PCNX3: variants seen among roughly 807,000 people sequenced by gnomAD.
PCNX3 encodes pecanex-like protein 3.
A neutral mutation model predicts 207.2 loss-of-function variants in PCNX3; 58 were observed. That is an observed-to-expected ratio of 0.28 (90% confidence interval 0.23 to 0.35). PCNX3 has a LOEUF of 0.35. Among genes scored for constraint, PCNX3 ranks in the 10% least tolerant of loss-of-function variants. The pLI is 1.00. For synonymous variants in PCNX3, 1,337 were observed against 1,183.5 expected, an observed-to-expected ratio of 1.13 and a Z score of -2.66; for missense variants, 2,410 against 2,774.4, an observed-to-expected ratio of 0.87 and a Z score of 2.95.
Position 65,616,304 on chromosome 11 carries a change from G to C in PCNX3, c.-8G>C, listed in dbSNP as rs1854723455. ...GGGAGGGGGGGCGCGGGCAGCAGCG[G>C]CGGGGCCATGGGGTCGCAGGTGTTG... On this transcript the variant is annotated 5_prime_UTR_variant, in exon 1 of 35. Coordinates refer to ENST00000355703, the MANE Select transcript of PCNX3 (RefSeq NM_032223.4). 3.2e-6 allele frequency: 5 copies of C among 1,568,850 alleles called. No individual in the cohort carries two copies. Among genetic ancestry groups the C allele is most frequent in the Non-Finnish European group, 3.4e-6 (4 of 1,163,840 alleles).
chr11:65,624,974 G>A lies in PCNX3; in HGVS notation c.2877G>A (p.Leu959=). The part of the protein sequence containing the change: ...TAVFSLSRSL[L]AAALLYGFCL... ...TCTTCAGCCTCTCCCGCAGCCTGCT[G>A]GCTGCTGCCCTGCTCTACGGTTTCT... The change falls in exon 16 of 35, where the codon CTG becomes CTA. Residue 959 remains leucine, a synonymous_variant. Coordinates refer to ENST00000355703, the MANE Select transcript of PCNX3 (RefSeq NM_032223.4). 1 of 1,612,744 alleles carries A rather than the reference G, an allele frequency of 6.2e-7. No individual in the cohort carries two copies. The highest frequency in any genetic ancestry group is 8.5e-7 in the Non-Finnish European group (1 of 1,179,616).
intron 20 of PCNX3, 79 bp from the exon 21 acceptor site, chr11:65,626,825 C>T (rs1176724347): frequency 6.5e-7 from 1 of 1,544,454 alleles, no homozygotes; most frequent in Non-Finnish European, 8.7e-7. Flanking sequence ...ACCGCACAGC[C>T]TGCCCTCCTA....
rs1180955238 is a variant in PCNX3, at chr11:65,624,861, C to T, written c.2828-64C>T. On this transcript the variant is annotated intron_variant, in intron 15 of 34. Coordinates refer to ENST00000355703, the MANE Select transcript of PCNX3 (RefSeq NM_032223.4). ...AGCCTCTGGGAGTTGAGGGGAAGCG[C>T]GGCTAGGGTTGAGGTGGGGTACCTG... is the stretch of plus-strand genomic sequence containing the variant. 39 of 1,481,544 alleles carry T rather than the reference C, an allele frequency of 2.6e-5. 1 individual carries two copies. Among genetic ancestry groups the T allele is most frequent in the Middle Eastern group, 1.7e-4 (1 of 5,830 alleles). 91.8% of individuals were successfully genotyped at this position (1,481,544 alleles called of 1,614,324 possible).
At chr11:65,626,182 G>A in intron 20 of PCNX3, 128 bp downstream of exon 20, 1 of 1,277,826 alleles carries the variant, frequency 7.8e-7, no homozygotes, top group Non-Finnish European at 1.1e-6. Context: ...TACCCTTTCT[G>A]CTCCCTCCCT....
chr11:65,631,309 CTCAGCT>C (rs2135470521), intron 27 of PCNX3, among the ~76,000 whole-genome samples: 1 of 152,278 alleles, frequency 6.6e-6, no homozygotes, highest in East Asian at 1.9e-4. Context: ...CCCTGTGTCC[CTCAGCT>C]TACCCCTTGA....
At chr11:65,636,091 C>T (rs1248581250) in intron 32 of PCNX3, 83 bp from the exon 33 acceptor site, 4 of 1,525,768 alleles carry the variant, frequency 2.6e-6, no homozygotes, top group African/African-American at 2.8e-5. Context: ...GATGACTTGT[C>T]CTGGGGCTGA....
Position 65,619,949 on chromosome 11 carries a change from C to T in PCNX3, c.2008+17C>T, listed in dbSNP as rs376267749. The T allele has an allele frequency of 1.8e-5, 28 of 1,585,684 alleles. No individual in the cohort carries two copies. Among genetic ancestry groups the T allele is most frequent in the Non-Finnish European group, 2.4e-5 (28 of 1,162,316 alleles). On this transcript the variant is annotated intron_variant, in intron 8 of 34. Coordinates refer to ENST00000355703, the MANE Select transcript of PCNX3 (RefSeq NM_032223.4). ...ATGAGAGCGGTGAGCCTTTCCCAAG[C>T]CCGGTGGCCCAGTGCCTCCCCGCCT...
In PCNX3 at chr11:65,615,877, G is replaced by C. The variant is rs900844246; in HGVS notation, c.-435G>C. ...GGCGAGCGCGGAGCCCCAAGCAAGT[G>C]ACCTGCGACCCCGAAAGTGGACCCC... On this transcript the variant is annotated 5_prime_UTR_variant, in exon 1 of 35. Transcript: ENST00000355703. The C allele has an allele frequency of 3.3e-5, 5 of 153,002 alleles. No homozygotes were observed. Among genetic ancestry groups the C allele is most frequent in the Admixed American group, 2.6e-4 (4 of 15,306 alleles). 9.5% of individuals were successfully genotyped at this position (153,002 alleles called of 1,614,324 possible).
At chr11:65,623,241 C>T (rs901526630) in intron 11 of PCNX3, among the ~76,000 whole-genome samples, 2 of 152,232 alleles carry the variant, frequency 1.3e-5, no homozygotes, top group African/African-American at 4.8e-5. Flanking sequence ...AGTAATGGCA[C>T]CCTGAGCTCT....
At chr11:65,627,192 C>G in intron 21 of PCNX3, 144 bp downstream of exon 21, 1 of 1,283,614 alleles carries the variant, frequency 7.8e-7, no homozygotes, top group African/African-American at 1.5e-5. Flanking sequence ...CACGCCATCC[C>G]AGGAAGTGGT....
Position 65,618,788 on chromosome 11 carries a change from G to A in PCNX3, c.1426G>A (p.Glu476Lys). Residue 476 changes from glutamate (E) to lysine (K), a missense_variant, in exon 6 of 35, where the codon GAG becomes AAG. Glu to Lys is a moderately conservative substitution (Grantham distance 56). This residue lies in a region of PCNX3 where 1,104 missense variants were observed against 970.3 expected (regional missense o/e 1.14). Transcript: ENST00000355703. ...GCGGAGGGCCCCCCATGGGGCTGAG[G>A]AGGGAACTGCTGTGCCCCCCAAGCG... ...RKRRAPHGAE[E>K]GTAVPPKRPY... 1 of 1,611,562 alleles carries A rather than the reference G, an allele frequency of 6.2e-7. No individual in the cohort carries two copies. The highest frequency in any genetic ancestry group is 8.5e-7 in the Non-Finnish European group (1 of 1,179,402).
rs1372867849 is a variant in PCNX3 at position 65,619,876 on chromosome 11, C to T, written c.1952C>T (p.Ala651Val). 1 of 1,611,698 alleles carries T rather than the reference C, an allele frequency of 6.2e-7. No individual in the cohort carries two copies. Among genetic ancestry groups the T allele is most frequent in the Admixed American group, 1.7e-5 (1 of 59,978 alleles). The change falls in exon 8 of 35, where the codon GCC becomes GTC. Residue 651 changes from alanine (A) to valine (V), a missense_variant. Transcript: ENST00000355703. ...LTRAGANVHE[A>V]CTFDDTSEGA... The stretch of plus-strand genomic sequence containing the variant: ...CGGGCCGGTGCCAATGTGCATGAGG[C>T]CTGCACCTTTGATGACACTTCTGAG...
At chr11:65,622,147 G>A in intron 10 of PCNX3, 98 bp from the exon 11 acceptor site, 2 of 1,423,170 alleles carry the variant, frequency 1.4e-6, no homozygotes, top group Non-Finnish European at 9.4e-7. Flanking sequence ...CTGAAGGGGG[G>A]TAACAGTAGA....
chr11:65,628,257 C>T (rs1476915593), intron 22 of PCNX3, among the ~76,000 whole-genome samples: 4 of 152,350 alleles, frequency 2.6e-5, no homozygotes, highest in East Asian at 1.9e-4. Flanking sequence ...TCACCAGTGA[C>T]CTAGTGGCGT....
intron 20 of PCNX3, 190 bp downstream of exon 20, chr11:65,626,244 G>T (rs1173533282): frequency 1.3e-6 from 1 of 777,494 alleles, no homozygotes; most frequent in Non-Finnish European, 2.2e-6. Context: ...TCTTCTCCTC[G>T]TGCCCTGCTG....
At chr11:65,617,770 T>A in intron 5 of PCNX3, 64 bp downstream of exon 5, 1 of 1,531,642 alleles carries the variant, frequency 6.5e-7, no homozygotes, top group Non-Finnish European at 8.8e-7. Context: ...TTGAATCCCC[T>A]CAACTTTGGC....
intron 9 of PCNX3, 48 bp from the exon 10 acceptor site, chr11:65,620,783 C>T (rs1313088843): frequency 3.8e-6 from 6 of 1,574,410 alleles, no homozygotes; most frequent in African/African-American, 1.4e-5. Context: ...CCCCACCCAG[C>T]CCCAGGGCTC....
chr11:65,618,478 G>A lies in PCNX3; in HGVS notation c.1116G>A (p.Pro372=), dbSNP rs368665158. 1.6e-4 allele frequency: 250 copies of A among 1,608,488 alleles called. No homozygotes were observed. The highest frequency in any genetic ancestry group is 6.6e-4 in the Middle Eastern group (4 of 6,058). The part of the protein sequence containing the change: ...FDTVIGAGTP[P]GLAEPLLVVR... Reference sequence around the variant, plus strand: ...CGGTCATTGGAGCAGGGACGCCACCGGGCCTGGCTGAGCCGCTCCTGGTCG... The same window carrying A: ...CGGTCATTGGAGCAGGGACGCCACCAGGCCTGGCTGAGCCGCTCCTGGTCG... Residue 372 remains proline (P), a synonymous_variant, in exon 6 of 35, where the codon CCG becomes CCA. Transcript: ENST00000355703.
chr11:65,629,456 C>T (rs747987519), intron 25 of PCNX3, 41 bp downstream of exon 25: 3 of 1,611,256 alleles, frequency 1.9e-6, no homozygotes, highest in South Asian at 1.1e-5. Flanking sequence ...GGCAGGGCCT[C>T]CCTGGGGAGG....
Sources: allele counts gnomAD v4.1 joint callset (sites outside exome capture counted in the v4.1 genomes callset), GRCh38; gene constraint gnomAD v4.1.1; regional missense constraint gnomAD v4.1.1; transcripts MANE v1.5; gene names NCBI Gene and HGNC (gene_info 2026-07-23, HGNC 2026-07-21).